RSF1: variants seen among roughly 807,000 people sequenced by gnomAD.
The protein encoded by RSF1 is HBV pX-associated protein 8.
RSF1 carries 13 observed loss-of-function variants against 145.2 expected under a neutral mutation model. The ratio of observed to expected loss-of-function variants is 0.09; its 90% confidence interval spans 0.06 to 0.14. The LOEUF is 0.14. Among genes scored for constraint, RSF1 ranks in the 10% least tolerant of loss-of-function variants. The probability of loss-of-function intolerance (pLI) is 1.00; values close to 1 mark genes in which losing one functional copy is unlikely to be tolerated. For synonymous variants in RSF1, 577 were observed against 592.6 expected (o/e 0.97, Z 0.38); for missense variants, 1,517 against 1,718.2 (o/e 0.88, Z 2.07).
intron 8 of RSF1, 25 bp downstream of exon 8, chr11:77,693,482 G>C (rs1960207759): frequency 2.0e-6 from 3 of 1,463,822 alleles, no homozygotes; most frequent in South Asian, 2.3e-5. Flanking sequence ...TCAAAGACTA[G>C]AAAAACAAGT....
upstream of RSF1, chr11:77,820,766 G>A (rs1257711517): frequency 4.0e-6 from 6 of 1,502,498 alleles, no homozygotes; most frequent in Non-Finnish European, 5.3e-6. Flanking sequence ...GGAAGTTGTG[G>A]TGCCGAGGGA....
the RSF1 span, among the ~76,000 whole-genome samples, chr11:77,865,293 A>G: frequency 6.6e-6 from 1 of 152,232 alleles, no homozygotes; most frequent in Non-Finnish European, 1.5e-5. Flanking sequence ...TCTTTCTCTC[A>G]TAAATTATTG....
chr11:77,704,465 C>T (rs2135857754), intron 5 of RSF1, among the ~76,000 whole-genome samples: 1 of 152,290 alleles, frequency 6.6e-6, no homozygotes, highest in African/African-American at 2.4e-5. Context: ...TTAAGTTTCT[C>T]AGTTTCTTCA....
In RSF1 at chr11:77,702,220, T is replaced by C. The variant is rs1250750466; in HGVS notation, c.1009A>G (p.Lys337Glu). Residue 337 changes from lysine to glutamate, a missense_variant, in exon 6 of 16, where the codon AAA becomes GAA. Transcript: ENST00000308488. The part of the protein sequence containing the change: ...KECRADPKDT[K>E]SSMEKPVAQE... ...GCCACTGGCTTCTCCATGCTACTTT[T>C]GGTATCTTTAGGATCTGCTCTACAT... The C allele has an allele frequency of 6.2e-7, 1 of 1,614,008 alleles. No homozygotes were observed. Among genetic ancestry groups the C allele is most frequent in the Non-Finnish European group, 8.5e-7 (1 of 1,179,972 alleles).
At chr11:77,808,205 G>A (rs957005705) in intron 1 of RSF1, among the ~76,000 whole-genome samples, 5 of 151,840 alleles carry the variant, frequency 3.3e-5, no homozygotes, top group Non-Finnish European at 7.4e-5. Flanking sequence ...ATGATGGTGC[G>A]TGCCTGTACT....
At chr11:77,684,182 A>G (rs1959942769) in intron 10 of RSF1, among the ~76,000 whole-genome samples, 1 of 152,232 alleles carries the variant, frequency 6.6e-6, no homozygotes, top group African/African-American at 2.4e-5. Context: ...AGGGGTTGCT[A>G]CTCAAGGAAA....
intron 1 of RSF1, among the ~76,000 whole-genome samples, chr11:77,815,362 G>C (rs1201013761): frequency 6.6e-6 from 1 of 152,022 alleles, no homozygotes; most frequent in Non-Finnish European, 1.5e-5. Flanking sequence ...CCTTTTGTGG[G>C]ATCTACTCTA....
the RSF1 span, among the ~76,000 whole-genome samples, chr11:77,863,881 G>C: frequency 6.6e-6 from 1 of 152,048 alleles, no homozygotes; most frequent in Non-Finnish European, 1.5e-5. Flanking sequence ...AAATTTTAAA[G>C]TCAGCAATTA....
chr11:77,791,268 A>T lies in RSF1; in HGVS notation c.188-26579T>A, dbSNP rs189834559. 1.1e-4 allele frequency among the ~76,000 whole-genome samples: 17 copies of T among 152,346 alleles called. No homozygotes were observed. In the East Asian group the frequency reaches 3.3e-3, roughly 29 times the overall value. On this transcript the variant is annotated intron_variant, in intron 1 of 15. Transcript: ENST00000308488. ...GCTTGAGGCTTCCACCCTCTGAAGC[A>T]ACAGCCCAAGCTGTAACTTGGCCCC...
chr11:77,752,450 A>G (rs1391366839), intron 2 of RSF1, among the ~76,000 whole-genome samples: 1 of 152,186 alleles, frequency 6.6e-6, no homozygotes, highest in Non-Finnish European at 1.5e-5. Flanking sequence ...CCTATTCTTA[A>G]CTGTTTTTTC....
At chr11:77,803,935 A>G (rs940170980) in intron 1 of RSF1, among the ~76,000 whole-genome samples, 1 of 152,100 alleles carries the variant, frequency 6.6e-6, no homozygotes, top group African/African-American at 2.4e-5. Context: ...AACTAAATTA[A>G]CTGGGCATGG....
At chr11:77,868,143 C>T in the RSF1 span, among the ~76,000 whole-genome samples, 1 of 150,288 alleles carries the variant, frequency 6.7e-6, no homozygotes, top group Non-Finnish European at 1.5e-5. Context: ...GCAAGCTCTG[C>T]CTCCCAGGTT....
chr11:77,803,490 T>C (rs1948646494), intron 1 of RSF1, among the ~76,000 whole-genome samples: 1 of 150,302 alleles, frequency 6.7e-6, no homozygotes, highest in African/African-American at 2.4e-5. Flanking sequence ...ATAAAAACTG[T>C]TATGTTGGCT....
intron 1 of RSF1, among the ~76,000 whole-genome samples, chr11:77,781,117 G>A (rs1948399342): frequency 6.7e-6 from 1 of 149,644 alleles, no homozygotes; most frequent in South Asian, 2.1e-4. Flanking sequence ...TTTTTTTTGA[G>A]AGAGAGAGAA....
chr11:77,853,322 C>A, the RSF1 span, among the ~76,000 whole-genome samples: 22 of 152,048 alleles, frequency 1.4e-4, no homozygotes, highest in Non-Finnish European at 3.1e-4. Context: ...ATAGGCTGTA[C>A]AGGAAGCATT....
chr11:77,783,610 G>A (rs1303346192), intron 1 of RSF1, among the ~76,000 whole-genome samples: 1 of 152,168 alleles, frequency 6.6e-6, no homozygotes, highest in African/African-American at 2.4e-5. Context: ...AGGAGGCTGA[G>A]GCGGGCGGAT....
At chr11:77,800,587 C>T (rs779660969) in intron 1 of RSF1, among the ~76,000 whole-genome samples, 68 of 152,232 alleles carry the variant, frequency 4.5e-4, no homozygotes, top group Non-Finnish European at 8.2e-4. Context: ...GAATTAACAC[C>T]AGCTGGGTGT....
At chr11:77,823,932 C>T (rs1590915371), upstream of RSF1, among the ~76,000 whole-genome samples, 1 of 151,380 alleles carries the variant, frequency 6.6e-6, no homozygotes, top group East Asian at 1.9e-4. Flanking sequence ...AAAAAAAAAG[C>T]TTTATTACTA....
At chr11:77,848,434 T>G in the RSF1 span, among the ~76,000 whole-genome samples, 2 of 151,604 alleles carry the variant, frequency 1.3e-5, no homozygotes, top group Non-Finnish European at 2.9e-5. Flanking sequence ...CTCGGCACAC[T>G]GCCACCTCTG....
Sources: gnomAD v4.1 joint callset for allele counts (sites outside exome capture counted in the v4.1 genomes callset) on GRCh38, gnomAD v4.1.1 for gene constraint, MANE v1.5 for transcripts, NCBI Gene and HGNC (gene_info 2026-07-23, HGNC 2026-07-21) for gene names.